Variants in IRAK3 observed in about 807,000 individuals in gnomAD.
The protein encoded by IRAK3 is interleukin 1 receptor associated kinase 3.
IRAK3 carries 57 observed loss-of-function variants against 56.6 expected under a neutral mutation model. That is an observed-to-expected ratio of 1.01 (90% CI 0.81 to 1.26). The LOEUF (loss-of-function observed/expected upper bound fraction) is 1.26, where lower values mean the gene tolerates loss of function less well. Among genes scored for constraint, IRAK3 ranks in the 50% most tolerant of loss-of-function variants. IRAK3 has a pLI of 0.00. For missense variants in IRAK3, 703 were observed against 719.0 expected, an observed-to-expected ratio of 0.98 and a Z score of 0.25; for synonymous variants, 258 against 255.7, an observed-to-expected ratio of 1.01 and a Z score of -0.09.
chr12:66,251,331 G>A lies in IRAK3; in HGVS notation c.*3160G>A, dbSNP rs1435031461. Reference sequence around the variant, plus strand: ...AAGCGTTAGTTGATATGAATTAAATGTTGCAACTTTCTATGGGTAATAAGA... The same window carrying A: ...AAGCGTTAGTTGATATGAATTAAATATTGCAACTTTCTATGGGTAATAAGA... On this transcript the variant is annotated 3_prime_UTR_variant, in exon 12 of 12. Transcript: ENST00000261233. 6.6e-6 allele frequency: 1 copy of A among 152,124 alleles called. No homozygotes were observed. The highest frequency in any genetic ancestry group is 2.4e-5 in the African/African-American group (1 of 41,424). 9.4% of individuals were successfully genotyped at this position (152,124 alleles called of 1,614,324 possible).
intron 1 of IRAK3, chr12:66,197,434 T>A: frequency 2.0e-6 from 2 of 984,860 alleles, no homozygotes; most frequent in Non-Finnish European, 2.4e-6. Context: ...AGCTATTTTA[T>A]AGAATTGGAT....
intron 1 of IRAK3, among the ~76,000 whole-genome samples, chr12:66,200,362 G>T (rs1592576725): frequency 6.6e-6 from 1 of 152,150 alleles, no homozygotes; most frequent in African/African-American, 2.4e-5. Context: ...AGCATTTCAG[G>T]CTGCTTTGAT....
chr12:66,196,353 A>G (rs1386480328), intron 1 of IRAK3, among the ~76,000 whole-genome samples: 4 of 152,176 alleles, frequency 2.6e-5, no homozygotes, highest in African/African-American at 9.7e-5. Flanking sequence ...CACTGTAAAT[A>G]CAATGTCCTA....
At chr12:66,222,465 A>ATC (rs2052743871) in intron 6 of IRAK3, among the ~76,000 whole-genome samples, 1 of 152,072 alleles carries the variant, frequency 6.6e-6, no homozygotes, top group Non-Finnish European at 1.5e-5. Context: ...GGCATACGAT[A>ATC]GTTCATAATA....
In IRAK3 at chr12:66,198,879, C is replaced by T. The variant is rs138125814; in HGVS notation, c.134-4832C>T. 3.5e-3 allele frequency among the ~76,000 whole-genome samples: 533 copies of T among 151,898 alleles called. 9 individuals are homozygous for T. The highest frequency in any genetic ancestry group is 0.012 in the African/African-American group (486 of 41,404). On this transcript the variant is annotated intron_variant, in intron 1 of 11. Transcript: ENST00000261233. ...CAAGCTATCCTCCCACCTCAGCTAC[C>T]GAGTAGTTAGGACTATAGGTGCATG...
intron 1 of IRAK3, among the ~76,000 whole-genome samples, chr12:66,193,626 C>CGTTTTTGATGACTTTGACA (rs56779076): frequency 0.39 from 59,565 of 151,828 alleles, 11,954 homozygotes; most frequent in East Asian, 0.5. Context: ...AGACTTTCCT[C>CGTTTTTGATGACTTTGACA]GTTTTGAGGA....
chr12:66,195,917 A>G (rs542737526), intron 1 of IRAK3, among the ~76,000 whole-genome samples: 39 of 152,126 alleles, frequency 2.6e-4, no homozygotes, highest in African/African-American at 8.9e-4. Context: ...TCGGCCTCCC[A>G]AAGTGCTGGG....
At chr12:66,198,099 C>T in intron 1 of IRAK3, 3 of 985,174 alleles carry the variant, frequency 3.0e-6, no homozygotes, top group Non-Finnish European at 3.6e-6. Context: ...TTATCTGAGA[C>T]TCCTGCTACT....
At chr12:66,232,378 G>A (rs2136942669) in intron 8 of IRAK3, among the ~76,000 whole-genome samples, 1 of 152,208 alleles carries the variant, frequency 6.6e-6, no homozygotes, top group East Asian at 1.9e-4. Context: ...CCCTTCCACG[G>A]CCATTGAACT....
intron 7 of IRAK3, among the ~76,000 whole-genome samples, chr12:66,227,618 T>C (rs1296671674): frequency 1.4e-5 from 2 of 146,482 alleles, no homozygotes; most frequent in African/African-American, 5.3e-5. Flanking sequence ...AACAAACTGC[T>C]GGTCATGATG....
At chr12:66,199,665 A>T (rs186163451) in intron 1 of IRAK3, among the ~76,000 whole-genome samples, 1 of 152,216 alleles carries the variant, frequency 6.6e-6, no homozygotes, top group East Asian at 1.9e-4. Flanking sequence ...CACTTAGTGC[A>T]TACAATTACT....
intron 2 of IRAK3, 40 bp downstream of exon 2, chr12:66,203,933 T>C (rs766515289): frequency 6.7e-6 from 10 of 1,501,960 alleles, no homozygotes; most frequent in Non-Finnish European, 9.3e-6. Context: ...TAATCTGTAA[T>C]AGGAACTGTA....
At chr12:66,196,517 C>G (rs755670274) in intron 1 of IRAK3, among the ~76,000 whole-genome samples, 1 of 152,122 alleles carries the variant, frequency 6.6e-6, no homozygotes, top group Non-Finnish European at 1.5e-5. Context: ...GGTGAATTAT[C>G]TCCCAGAGGT....
At chr12:66,235,143 T>G in intron 8 of IRAK3, 1 of 1,613,238 alleles carries the variant, frequency 6.2e-7, no homozygotes, top group South Asian at 1.1e-5. Context: ...GAGTTGCTGC[T>G]GCTGCTACTG....
At chr12:66,210,059 TC>T in intron 3 of IRAK3, 87 bp from the exon 4 acceptor site, 1 of 848,130 alleles carries the variant, frequency 1.2e-6, no homozygotes, top group Non-Finnish European at 2.0e-6. Context: ...CACTGCATAG[TC>T]CCCAGGGAGC....
intron 8 of IRAK3, chr12:66,234,401 G>T: frequency 6.2e-7 from 1 of 1,611,068 alleles, no homozygotes; most frequent in Non-Finnish European, 8.5e-7. Context: ...CACCTGGTAG[G>T]CAGATACAGG....
chr12:66,210,047 T>A, intron 3 of IRAK3, 100 bp from the exon 4 acceptor site: 2 of 767,582 alleles, frequency 2.6e-6, no homozygotes. Flanking sequence ...TGCACTCTGT[T>A]GCACTGCATA....
chr12:66,197,978 G>C (rs934111391), intron 1 of IRAK3: 1 of 985,220 alleles, frequency 1.0e-6, no homozygotes, highest in South Asian at 4.7e-5. Flanking sequence ...ACATTCCCTG[G>C]GACTTGAAAT....
At chr12:66,238,927 C>G (rs777658155) in intron 8 of IRAK3, among the ~76,000 whole-genome samples, 3 of 152,148 alleles carry the variant, frequency 2.0e-5, no homozygotes, top group Non-Finnish European at 2.9e-5. Context: ...TATTCTTGGC[C>G]AAAGACCCTC....
Sources: allele counts gnomAD v4.1 joint callset (sites outside exome capture counted in the v4.1 genomes callset), GRCh38; gene constraint gnomAD v4.1.1; transcripts MANE v1.5; gene names NCBI Gene and HGNC (gene_info 2026-07-23, HGNC 2026-07-21).